WDFY4: variants seen among roughly 807,000 people sequenced by gnomAD.
WDFY4 encodes the protein WD repeat- and FYVE domain-containing protein 4.
Under a neutral mutation model 351.9 loss-of-function variants are expected in WDFY4, and 169 were observed. The ratio of observed to expected loss-of-function variants is 0.48; its 90% CI spans 0.42 to 0.55. The LOEUF is 0.55. WDFY4 is among the 20% of genes least tolerant of loss of function. WDFY4 has a pLI of 0.00. For synonymous variants in WDFY4, 1,622 were observed against 1,574.6 expected (o/e 1.03, Z -0.71); for missense variants, 3,803 against 3,935.6 (o/e 0.97, Z 0.90).
At chr10:48,762,673 C>G (rs192691277) in intron 13 of WDFY4, among the ~76,000 whole-genome samples, 1 of 152,202 alleles carries the variant, frequency 6.6e-6, no homozygotes, top group South Asian at 2.1e-4. Flanking sequence ...AGTGGCATAC[C>G]TGGGGCCTTG....
intron 39 of WDFY4, among the ~76,000 whole-genome samples, chr10:48,833,955 G>A (rs182338811): frequency 3.7e-4 from 56 of 152,346 alleles, no homozygotes; most frequent in East Asian, 2.1e-3. Flanking sequence ...CCAGGCAGCC[G>A]AGGAAAAGGC....
At chr10:48,697,804 A>G (rs2063370658) in intron 1 of WDFY4, among the ~76,000 whole-genome samples, 1 of 152,026 alleles carries the variant, frequency 6.6e-6, no homozygotes, top group African/African-American at 2.4e-5. Flanking sequence ...TCTCCCCATT[A>G]CCCAGAATGC....
intron 60 of WDFY4, among the ~76,000 whole-genome samples, chr10:48,980,958 G>A (rs1842780776): frequency 6.6e-6 from 1 of 152,200 alleles, no homozygotes; most frequent in Non-Finnish European, 1.5e-5. Context: ...AGTTGATAAT[G>A]CCGACTTTAT....
At chr10:48,861,199 T>G (rs910560511) in intron 39 of WDFY4, among the ~76,000 whole-genome samples, 1 of 152,194 alleles carries the variant, frequency 6.6e-6, no homozygotes, top group African/African-American at 2.4e-5. Context: ...AGTGTTATAA[T>G]TTTTGTTTTA....
chr10:48,861,157 G>A (rs111596847), intron 39 of WDFY4, among the ~76,000 whole-genome samples: 461 of 152,094 alleles, frequency 3.0e-3, no homozygotes, highest in African/African-American at 9.9e-3. Flanking sequence ...CTCTACACTC[G>A]TTTAAAATCA....
chr10:48,859,469 A>G (rs1313879735), intron 39 of WDFY4, among the ~76,000 whole-genome samples: 1 of 152,212 alleles, frequency 6.6e-6, no homozygotes, highest in Non-Finnish European at 1.5e-5. Flanking sequence ...ATCACTTGAT[A>G]TGACCATGCG....
chr10:48,783,445 G>A (rs559143461), intron 19 of WDFY4, among the ~76,000 whole-genome samples: 4 of 151,518 alleles, frequency 2.6e-5, no homozygotes, highest in African/African-American at 9.7e-5. Flanking sequence ...GATATGCAGG[G>A]CCAATTGTAC....
chr10:48,978,885 C>T (rs1267994487), intron 60 of WDFY4: 1 of 152,980 alleles, frequency 6.5e-6, no homozygotes, highest in Non-Finnish European at 1.5e-5. Flanking sequence ...GCTCTGCATC[C>T]CAGAACCTGT....
chr10:48,934,004 G>A (rs1236874879), intron 47 of WDFY4, among the ~76,000 whole-genome samples: 1 of 152,050 alleles, frequency 6.6e-6, no homozygotes, highest in Non-Finnish European at 1.5e-5. Flanking sequence ...GGCCCTGCAG[G>A]GTGGACAGCA....
intron 30 of WDFY4, among the ~76,000 whole-genome samples, chr10:48,812,190 G>GTTTTTTTTT (rs199764757): frequency 1.5e-5 from 2 of 137,532 alleles, no homozygotes; most frequent in Non-Finnish European, 3.0e-5. Context: ...TTTTTTTTTT[G>GTTTTTTTTT]TTTTTTTTGT....
chr10:48,827,707 T>C (rs1036514864), intron 36 of WDFY4, among the ~76,000 whole-genome samples: 2 of 150,694 alleles, frequency 1.3e-5, no homozygotes, highest in African/African-American at 2.4e-5. Flanking sequence ...TTATGTTTGA[T>C]CACTTGAAAA....
intron 47 of WDFY4, among the ~76,000 whole-genome samples, chr10:48,916,086 G>A (rs1258773737): frequency 6.6e-6 from 1 of 152,214 alleles, no homozygotes; most frequent in Non-Finnish European, 1.5e-5. Flanking sequence ...GCACAGAGAA[G>A]CACTCTGGGG....
intron 36 of WDFY4, among the ~76,000 whole-genome samples, chr10:48,827,487 C>T (rs909915799): frequency 3.4e-5 from 5 of 146,652 alleles, no homozygotes; most frequent in African/African-American, 1.0e-4. Flanking sequence ...CACACTGACA[C>T]AGAGAGAGAG....
At position 48,709,793 on chromosome 10, in the gene WDFY4, G is replaced by C; in HGVS notation, c.61G>C (p.Glu21Gln). 1.9e-6 allele frequency: 3 copies of C among 1,551,926 alleles called. No individual in the cohort carries two copies. The highest frequency in any genetic ancestry group is 2.6e-6 in the Non-Finnish European group (3 of 1,147,036). The change falls in exon 2 of 62, where the codon GAA becomes CAA. Residue 21 changes from glutamate to glutamine, a missense_variant. Physicochemically the swap from Glu to Gln is conservative, Grantham distance 29. Transcript: ENST00000325239. ...AAATGAAGACCCAGGTTCCAAAAAT[G>C]AAGGGCAGCTTGCTGCTGTGCAGCC... The part of the protein sequence containing the change: ...DRNEDPGSKN[E>Q]GQLAAVQPDV...
At chr10:48,700,848 C>G (rs2063460667) in intron 1 of WDFY4, among the ~76,000 whole-genome samples, 1 of 152,212 alleles carries the variant, frequency 6.6e-6, no homozygotes, top group Non-Finnish European at 1.5e-5. Context: ...GAATTATTTT[C>G]TCTTCCTTTA....
rs201394741 is a variant in WDFY4, at chr10:48,733,878, G to A, written c.1583-53G>A. ...TAGAAAGCTGGAGTCAGAGATTTGC[G>A]GTCATACCACATGTACTTAATTTAT... is the stretch of plus-strand genomic sequence containing the variant. On this transcript the variant is annotated intron_variant, in intron 9 of 61. Coordinates refer to ENST00000325239, the MANE Select transcript of WDFY4 (RefSeq NM_001394531.1). 5.3e-5 allele frequency: 78 copies of A among 1,483,638 alleles called. No individual in the cohort carries two copies. In the South Asian group the frequency reaches 6.7e-4, roughly 13 times the overall value. The allele number at this position is 1,483,638 out of a possible 1,614,324, so 91.9% of individuals were successfully genotyped here.
At chr10:48,733,246 A>T (rs970580627) in intron 9 of WDFY4, among the ~76,000 whole-genome samples, 1 of 152,182 alleles carries the variant, frequency 6.6e-6, no homozygotes, top group Non-Finnish European at 1.5e-5. Flanking sequence ...CTATTGTTAA[A>T]TGTGTCTTGT....
intron 39 of WDFY4, among the ~76,000 whole-genome samples, chr10:48,852,391 G>A (rs1039315080): frequency 1.3e-5 from 2 of 152,170 alleles, no homozygotes; most frequent in Admixed American, 6.5e-5. Context: ...AATTTTAAAT[G>A]TGCACATGCA....
intron 60 of WDFY4, among the ~76,000 whole-genome samples, chr10:48,979,423 C>T: frequency 6.6e-6 from 1 of 152,368 alleles, no homozygotes; most frequent in Middle Eastern, 3.4e-3. Context: ...CATGAGACTG[C>T]ACACCATTTT....
Sources: allele counts gnomAD v4.1 joint callset (sites outside exome capture counted in the v4.1 genomes callset), GRCh38; gene constraint gnomAD v4.1.1; transcripts MANE v1.5; gene names NCBI Gene and HGNC (gene_info 2026-07-23, HGNC 2026-07-21).